YIPF7: variants seen among roughly 807,000 people sequenced by gnomAD.
The protein encoded by YIPF7 is Yip1 domain family member 7, also known as protein YIPF7.
A neutral mutation model predicts 27.2 loss-of-function variants in YIPF7; 35 were observed. The ratio of observed to expected loss-of-function variants is 1.29; its 90% confidence interval spans 0.98 to 1.70. YIPF7 has a LOEUF of 1.70. Ranked by LOEUF, YIPF7 falls within the 40% of genes most tolerant of loss-of-function variation. The pLI is 0.00. For missense variants in YIPF7, 358 were observed against 303.7 expected (o/e 1.18, Z -1.33); for synonymous variants, 137 against 110.4 (o/e 1.24, Z -1.51).
upstream of YIPF7, among the ~76,000 whole-genome samples, chr4:44,654,594 T>C: frequency 6.6e-6 from 1 of 151,998 alleles, no homozygotes; most frequent in Non-Finnish European, 1.5e-5. Context: ...CCTTGACCTT[T>C]CTTCTCAGGA....
Position 44,622,340 on chromosome 4 carries a change from A to T in YIPF7, c.*74T>A. On this transcript the variant is annotated 3_prime_UTR_variant, in exon 6 of 6. Coordinates refer to ENST00000415895, the MANE Select transcript of YIPF7 (RefSeq NM_182592.3). ...CAATAAAACAGAAATCATATCACCA[A>T]ATTTGAATGTTAATATATTTCCAAA... The T allele has an allele frequency of 6.7e-7, 1 of 1,490,234 alleles. No individual in the cohort carries two copies. The highest frequency in any genetic ancestry group is 2.4e-5 in the East Asian group (1 of 40,958). 92.3% of individuals were successfully genotyped at this position (1,490,234 alleles called of 1,614,324 possible). A position where few individuals can be genotyped will look rare whatever the true frequency, so the allele number is the denominator to read the frequency against.
At chr4:44,649,943 G>C in intron 2 of YIPF7, 42 bp downstream of exon 2, 1 of 1,006,490 alleles carries the variant, frequency 9.9e-7, no homozygotes, top group Non-Finnish European at 1.5e-6. Flanking sequence ...GACAGAGTGA[G>C]ACTCTGTCAA....
rs115731095 is a variant in YIPF7 at position 44,657,054 on chromosome 4, T to C, written c.-2+3395A>G. Among the ~76,000 whole-genome samples the C allele has an allele frequency of 1.8e-3, 280 of 152,266 alleles. 2 individuals are homozygous for C. Among genetic ancestry groups the C allele is most frequent in the African/African-American group, 6.5e-3 (272 of 41,556 alleles). On this transcript the variant is annotated intron_variant, in intron 2 of 2. Transcript: ENST00000508947. The stretch of plus-strand genomic sequence containing the variant: ...CATTGCTATTTCATGGCCTATGCAA[T>C]TGCACCATTATTAAGATTTTTGTCA...
upstream of YIPF7, among the ~76,000 whole-genome samples, chr4:44,654,966 C>A (rs72624164): frequency 0.09 from 13,724 of 151,914 alleles, 784 homozygotes; most frequent in East Asian, 0.25. Flanking sequence ...CCTTTAATGA[C>A]TTGACAAAAC....
intron 3 of YIPF7, among the ~76,000 whole-genome samples, chr4:44,634,699 C>T (rs1713045241): frequency 6.6e-6 from 1 of 151,950 alleles, no homozygotes; most frequent in Non-Finnish European, 1.5e-5. Context: ...AGAATAAAGG[C>T]TAGAAGAAAA....
At chr4:44,622,958 C>T (rs947294675) in intron 5 of YIPF7, among the ~76,000 whole-genome samples, 12 of 152,150 alleles carry the variant, frequency 7.9e-5, no homozygotes, top group African/African-American at 2.4e-4. Context: ...TGGCCAACAG[C>T]GTAGGAGAAA....
Position 44,629,568 on chromosome 4 carries a change from T to C in YIPF7, c.281-20A>G, listed in dbSNP as rs1269896830. On this transcript the variant is annotated intron_variant, in intron 3 of 5. Transcript: ENST00000415895. Reference sequence around the variant, plus strand: ...CAAGTTCTGTAAAAAGGAAAAAAGATAAATAATATGATAACATAAATATAG... The same window carrying C: ...CAAGTTCTGTAAAAAGGAAAAAAGACAAATAATATGATAACATAAATATAG... 5 of 1,494,544 alleles carry C rather than the reference T, an allele frequency of 3.3e-6. No individual in the cohort carries two copies. In the Admixed American group the frequency reaches 9.2e-5, roughly 28 times the overall value. 92.6% of individuals were successfully genotyped at this position (1,494,544 alleles called of 1,614,324 possible).
intron 2 of YIPF7, among the ~76,000 whole-genome samples, chr4:44,659,737 C>G (rs1713990653): frequency 1.3e-5 from 2 of 152,050 alleles, no homozygotes; most frequent in Non-Finnish European, 2.9e-5. Flanking sequence ...TTAAAAAGCA[C>G]TATAAAACGT....
At chr4:44,651,410 T>C in intron 1 of YIPF7, 144 bp downstream of exon 1, 1 of 454,824 alleles carries the variant, frequency 2.2e-6, no homozygotes, top group Non-Finnish European at 3.9e-6. Context: ...TTATAAAGCA[T>C]AGAGAGTAAT....
At chr4:44,626,214 T>C (rs959924378) in intron 4 of YIPF7, among the ~76,000 whole-genome samples, 18 of 152,086 alleles carry the variant, frequency 1.2e-4, no homozygotes, top group Non-Finnish European at 5.9e-5. Flanking sequence ...ATTCTTATGA[T>C]ACCTTCTGTA....
chr4:44,642,003 C>A (rs1713342191), intron 2 of YIPF7, among the ~76,000 whole-genome samples: 1 of 152,100 alleles, frequency 6.6e-6, no homozygotes, highest in African/African-American at 2.4e-5. Flanking sequence ...TAATGTAAGC[C>A]TTTCCAGAAA....
chr4:44,657,297 C>T lies in YIPF7; in HGVS notation c.-2+3152G>A, dbSNP rs547438750. Reference sequence around the variant, plus strand: ...AATTTGAACATTTACTCAAACATCGCGTTTATATGGGGAGCTCTTCAAAGG... The same window carrying T: ...AATTTGAACATTTACTCAAACATCGTGTTTATATGGGGAGCTCTTCAAAGG... On this transcript the variant is annotated intron_variant, in intron 2 of 2. Transcript: ENST00000508947. Among the ~76,000 whole-genome samples, 6 of 152,292 alleles carry T rather than the reference C, an allele frequency of 3.9e-5. No homozygotes were observed. The South Asian group carries it at 6.2e-4, about 16-fold the overall frequency.
chr4:44,655,301 A>G (rs1464214921), upstream of YIPF7, among the ~76,000 whole-genome samples: 2 of 152,054 alleles, frequency 1.3e-5, no homozygotes, highest in Non-Finnish European at 2.9e-5. Flanking sequence ...CAGTCCTCTG[A>G]TATAAAAATG....
intron 1 of YIPF7, 29 bp downstream of exon 1, chr4:44,651,525 C>T (rs1713738628): frequency 1.3e-6 from 2 of 1,499,376 alleles, no homozygotes; most frequent in South Asian, 2.5e-5. Flanking sequence ...GTTTAAATGC[C>T]AAGTCTTTTA....
rs536043627 is a variant in YIPF7, at chr4:44,624,672, C to A, written c.537G>T (p.Val179=). ...MSSSGVSYGC[V]ASVLGYCLLP... ...GCAGGCAGTAACCCAGCACGCTGGC[C>A]ACACAGCCGTACGACACCCCTGAAG... Residue 179 remains valine (V), a synonymous_variant, in exon 5 of 6, where the codon GTG becomes GTT. Coordinates refer to ENST00000415895, the MANE Select transcript of YIPF7 (RefSeq NM_182592.3). 3.7e-6 allele frequency: 6 copies of A among 1,607,312 alleles called. No homozygotes were observed. The South Asian group carries it at 6.7e-5, about 18-fold the overall frequency.
chr4:44,658,074 A>G, intron 2 of YIPF7, among the ~76,000 whole-genome samples: 1 of 152,130 alleles, frequency 6.6e-6, no homozygotes, highest in Non-Finnish European at 1.5e-5. Context: ...AATAAATACA[A>G]TTTTTAAAAG....
chr4:44,655,128 T>C (rs937746377), upstream of YIPF7, among the ~76,000 whole-genome samples: 1 of 152,056 alleles, frequency 6.6e-6, no homozygotes, highest in Non-Finnish European at 1.5e-5. Flanking sequence ...CAATTTGCCA[T>C]ATACCTGACA....
chr4:44,649,150 C>G (rs1166161728), intron 2 of YIPF7, among the ~76,000 whole-genome samples: 3 of 152,052 alleles, frequency 2.0e-5, no homozygotes, highest in Non-Finnish European at 4.4e-5. Context: ...CAAGCAGAAT[C>G]TCAATAAATG....
At chr4:44,626,973 G>A (rs920725060) in intron 4 of YIPF7, among the ~76,000 whole-genome samples, 1 of 150,446 alleles carries the variant, frequency 6.6e-6, no homozygotes, top group African/African-American at 2.4e-5. Context: ...TAGTACAGAC[G>A]GGGTTTCACT....
Sources: gnomAD v4.1 joint callset for allele counts (sites outside exome capture counted in the v4.1 genomes callset) on GRCh38, gnomAD v4.1.1 for gene constraint, MANE v1.5 for transcripts, NCBI Gene and HGNC (gene_info 2026-07-23, HGNC 2026-07-21) for gene names.